RAB3C: variants seen among roughly 807,000 people sequenced by gnomAD.
RAB3C encodes ras-related protein Rab-3C.
RAB3C carries 17 observed loss-of-function variants against 26.4 expected under a neutral mutation model. The observed-to-expected ratio is 0.64, with a 90% CI of 0.44 to 0.97. The LOEUF is 0.97. RAB3C is among the 50% of genes least tolerant of loss of function. The probability of loss-of-function intolerance (pLI) is 0.00; values close to 1 mark genes in which losing one functional copy is unlikely to be tolerated. For synonymous variants in RAB3C, 91 were observed against 95.9 expected (o/e 0.95, Z 0.30); for missense variants, 242 against 281.9 (o/e 0.86, Z 1.01).
At position 58,690,760 on chromosome 5, in the gene RAB3C, GA is replaced by G. The variant is rs893881278; in HGVS notation, c.253-35233del. On this transcript the variant is annotated intron_variant, in intron 2 of 4. Coordinates refer to ENST00000282878, the MANE Select transcript of RAB3C (RefSeq NM_138453.4). ...GTTCTTTGCTGCCTTTGTAGTTAAAGAAAAAAAAAGCAGACTATAGAAAGGC... is the reference window on the plus strand; with the variant it reads ...GTTCTTTGCTGCCTTTGTAGTTAAAGAAAAAAAAGCAGACTATAGAAAGGC... Among the ~76,000 whole-genome samples, 12 of 149,784 alleles carry G rather than the reference GA, an allele frequency of 8.0e-5. 1 individual carries two copies. Among genetic ancestry groups the G allele is most frequent in the South Asian group, 6.3e-4 (3 of 4,748 alleles).
chr5:58,847,386 ACT>A (rs1042721548), intron 4 of RAB3C, among the ~76,000 whole-genome samples: 2 of 152,000 alleles, frequency 1.3e-5, no homozygotes, highest in Admixed American at 1.3e-4. Context: ...AAGTTATAAG[ACT>A]CTGTTTCTGA....
intron 2 of RAB3C, among the ~76,000 whole-genome samples, chr5:58,724,308 C>T (rs1258409549): frequency 6.6e-6 from 1 of 151,732 alleles, no homozygotes; most frequent in Non-Finnish European, 1.5e-5. Context: ...TACAGAGGTT[C>T]AGTAACTTGG....
In RAB3C at chr5:58,612,518, G is replaced by A. The variant is rs368347074; in HGVS notation, c.25-5125G>A. ...TGTGTGTGTGTGTGTGTGTGTGTGT[G>A]TGTATATATATATATATATATATAT... On this transcript the variant is annotated intron_variant, in intron 1 of 4. Coordinates refer to ENST00000282878, the MANE Select transcript of RAB3C (RefSeq NM_138453.4). Among the ~76,000 whole-genome samples the A allele has an allele frequency of 2.4e-3, 97 of 40,492 alleles. 4 individuals carry two copies. Among genetic ancestry groups the A allele is most frequent in the African/African-American group, 6.8e-3 (85 of 12,544 alleles). The allele number at this position is 40,492 out of a possible 152,430, so 26.6% of individuals were successfully genotyped here.
At chr5:58,777,140 A>C (rs1217601599) in intron 3 of RAB3C, among the ~76,000 whole-genome samples, 2 of 152,100 alleles carry the variant, frequency 1.3e-5, no homozygotes, top group Non-Finnish European at 2.9e-5. Context: ...TTCTCTTTGC[A>C]ATCCCTATCC....
At chr5:58,663,095 C>T (rs1185704696) in intron 2 of RAB3C, among the ~76,000 whole-genome samples, 2 of 150,012 alleles carry the variant, frequency 1.3e-5, no homozygotes, top group African/African-American at 5.1e-5. Flanking sequence ...AACTACTGAA[C>T]ATTTCATTGT....
At chr5:58,591,935 G>A (rs1430932280) in intron 1 of RAB3C, among the ~76,000 whole-genome samples, 1 of 113,696 alleles carries the variant, frequency 8.8e-6, no homozygotes, top group Admixed American at 1.1e-4. Flanking sequence ...TTTTGCACTT[G>A]TTGCGCAGGC....
chr5:58,588,851 T>C (rs1014450599), intron 1 of RAB3C, among the ~76,000 whole-genome samples: 3 of 152,166 alleles, frequency 2.0e-5, no homozygotes, highest in Non-Finnish European at 4.4e-5. Context: ...TCATATTATT[T>C]ACAAATAGAG....
intron 2 of RAB3C, among the ~76,000 whole-genome samples, chr5:58,687,711 A>G (rs1224614904): frequency 1.3e-5 from 2 of 152,178 alleles, no homozygotes; most frequent in Non-Finnish European, 2.9e-5. Context: ...ATTGCATTTA[A>G]TATAATGAGC....
intron 3 of RAB3C, among the ~76,000 whole-genome samples, chr5:58,759,268 GC>G (rs1397050664): frequency 6.6e-6 from 1 of 152,178 alleles, no homozygotes; most frequent in Non-Finnish European, 1.5e-5. Context: ...TGGGGTTGGG[GC>G]AAGTGGACAG....
chr5:58,695,976 A>C (rs984224915), intron 2 of RAB3C, among the ~76,000 whole-genome samples: 1 of 152,236 alleles, frequency 6.6e-6, no homozygotes, highest in Non-Finnish European at 1.5e-5. Flanking sequence ...AGGAGTGGTG[A>C]GAGAGGGCAT....
intron 4 of RAB3C, among the ~76,000 whole-genome samples, chr5:58,847,269 G>A (rs1359489699): frequency 6.6e-6 from 1 of 152,180 alleles, no homozygotes; most frequent in Non-Finnish European, 1.5e-5. Context: ...TTATTTATCA[G>A]GAGGTCTTTG....
At position 58,855,475 on chromosome 5, in the gene RAB3C, CACTT is replaced by C. The variant is rs1413911537; in HGVS notation, c.*4126_*4129del. The stretch of plus-strand genomic sequence containing the variant: ...AACTCTGTTCCTTTGCGTGTATAGT[CACTT>C]AGTGTGCTGTCCGGGTGCCACATGA... On this transcript the variant is annotated 3_prime_UTR_variant, in exon 5 of 5. Transcript: ENST00000282878. 6.6e-6 allele frequency: 1 copy of C among 152,192 alleles called. No homozygotes were observed. Among genetic ancestry groups the C allele is most frequent in the Non-Finnish European group, 1.5e-5 (1 of 68,030 alleles). 9.4% of individuals were successfully genotyped at this position (152,192 alleles called of 1,614,324 possible).
At chr5:58,778,517 G>T (rs1742200009) in intron 3 of RAB3C, among the ~76,000 whole-genome samples, 3 of 152,118 alleles carry the variant, frequency 2.0e-5, no homozygotes, top group Non-Finnish European at 2.9e-5. Flanking sequence ...ATCCAGTGCT[G>T]CATGAGTTGA....
At chr5:58,678,001 T>TGC (rs1748263735) in intron 2 of RAB3C, among the ~76,000 whole-genome samples, 1 of 145,192 alleles carries the variant, frequency 6.9e-6, no homozygotes, top group South Asian at 2.2e-4. Context: ...TGTGTGTGTG[T>TGC]GCATGCGTGT....
intron 2 of RAB3C, among the ~76,000 whole-genome samples, chr5:58,679,198 A>G: frequency 2.0e-5 from 3 of 152,284 alleles, no homozygotes; most frequent in Admixed American, 2.0e-4. Context: ...GGGTGGGGGT[A>G]TCAGGAAGGA....
intron 2 of RAB3C, among the ~76,000 whole-genome samples, chr5:58,706,423 C>T (rs1748944196): frequency 6.6e-6 from 1 of 152,108 alleles, no homozygotes; most frequent in South Asian, 2.1e-4. Context: ...GCAGTAACAA[C>T]AGACTTATTG....
intron 4 of RAB3C, among the ~76,000 whole-genome samples, chr5:58,835,476 C>G (rs896992704): frequency 2.0e-5 from 3 of 152,158 alleles, no homozygotes; most frequent in Admixed American, 2.0e-4. Flanking sequence ...TGGATCAAAG[C>G]TTATCCTCTA....
At chr5:58,760,808 A>C (rs963539045) in intron 3 of RAB3C, among the ~76,000 whole-genome samples, 1 of 152,188 alleles carries the variant, frequency 6.6e-6, no homozygotes, top group Non-Finnish European at 1.5e-5. Context: ...CAGTCTAGTT[A>C]ATGGAGACAT....
Position 58,597,653 on chromosome 5 carries a change from A to T in RAB3C, c.24+14421A>T, listed in dbSNP as rs374315752. The stretch of plus-strand genomic sequence containing the variant: ...ATATAAGCATATAACAATATATAGT[A>T]CATTATATATAAGTATATAATATAA... On this transcript the variant is annotated intron_variant, in intron 1 of 4. Transcript: ENST00000282878. Among the ~76,000 whole-genome samples, 63 of 132,954 alleles carry T rather than the reference A, an allele frequency of 4.7e-4. 6 individuals carry two copies. In the East Asian group the frequency reaches 0.011, roughly 23 times the overall value. The allele number at this position is 132,954 out of a possible 152,430, so 87.2% of individuals were successfully genotyped here. A position where few individuals can be genotyped will look rare whatever the true frequency, so the allele number is the denominator to read the frequency against.
Sources: gnomAD v4.1 joint callset for allele counts (sites outside exome capture counted in the v4.1 genomes callset) on GRCh38, gnomAD v4.1.1 for gene constraint, MANE v1.5 for transcripts, NCBI Gene and HGNC (gene_info 2026-07-23, HGNC 2026-07-21) for gene names.